Variants in SPTBN5 observed in about 807,000 individuals in gnomAD.
SPTBN5 encodes the protein spectrin beta, non-erythrocytic 5, also known as spectrin beta chain, non-erythrocytic 5.
SPTBN5 carries 513 observed loss-of-function variants against 477.6 expected under a neutral mutation model. That is an observed-to-expected ratio of 1.07 (90% CI 1.00 to 1.16). SPTBN5 has a LOEUF of 1.16. Among genes scored for constraint, SPTBN5 ranks in the 50% most tolerant of loss-of-function variants. The probability of loss-of-function intolerance (pLI) is 0.00; values close to 1 mark genes in which losing one functional copy is unlikely to be tolerated. For missense variants in SPTBN5, 5,062 were observed against 4,731.8 expected (o/e 1.07, Z -2.05); for synonymous variants, 2,169 against 2,011.7 (o/e 1.08, Z -2.09).
Position 41,862,856 on chromosome 15 carries a change from C to T in SPTBN5, c.7197G>A (p.Val2399=), listed in dbSNP as rs1208015727. 2 of 1,590,848 alleles carry T rather than the reference C, an allele frequency of 1.3e-6. No individual in the cohort carries two copies. Among genetic ancestry groups the T allele is most frequent in the Non-Finnish European group, 1.7e-6 (2 of 1,169,398 alleles). ...CCTCGTGTTTCCGCAGCAGCCTCTGCACGCTCTCCAGATCTTTCCCACAGT... is the reference window on the plus strand; with the variant it reads ...CCTCGTGTTTCCGCAGCAGCCTCTGTACGCTCTCCAGATCTTTCCCACAGT... ...ALDCGKDLES[V]QRLLRKHEEL... is the part of the protein sequence containing the mutation. Residue 2399 remains valine, a synonymous_variant, in exon 42 of 68, where the codon GTG becomes GTA. Transcript: ENST00000320955.
intron 33 of SPTBN5, 81 bp from the exon 34 acceptor site, chr15:41,868,299 G>T: frequency 1.3e-6 from 2 of 1,561,468 alleles, no homozygotes; most frequent in Non-Finnish European, 1.7e-6. Context: ...GGAAGCTCCT[G>T]AGGAGAGGCC....
chr15:41,854,065 C>A lies in SPTBN5; in HGVS notation c.9759G>T (p.Gln3253His). The A allele has an allele frequency of 6.4e-7, 1 of 1,571,714 alleles. No homozygotes were observed. The highest frequency in any genetic ancestry group is 8.6e-7 in the Non-Finnish European group (1 of 1,161,462). Reference protein sequence around the residue: ...SLSSVRTLQQQHRRLERELEA... With the variant: ...SLSSVRTLQQHHRRLERELEA... Reference sequence around the variant, plus strand: ...TGGGCCTCACCTCCAGGCGCCTGTGCTGTTGCTGCAGGGTCCGCACAGATG... The same window carrying A: ...TGGGCCTCACCTCCAGGCGCCTGTGATGTTGCTGCAGGGTCCGCACAGATG... The change falls in exon 57 of 68, where the codon CAG (glutamine) becomes CAT (histidine). Residue 3253 changes from glutamine to histidine, a missense_variant. Gln to His is a conservative substitution (Grantham distance 24, BLOSUM62 0). Transcript: ENST00000320955.
At chr15:41,864,742 G>A (rs2066239458) in intron 39 of SPTBN5, among the ~76,000 whole-genome samples, 1 of 152,240 alleles carries the variant, frequency 6.6e-6, no homozygotes, top group Middle Eastern at 3.2e-3. Context: ...TCTGAGCTGA[G>A]GCTGGTGCTG....
chr15:41,855,354 C>A lies in SPTBN5; in HGVS notation c.9293G>T (p.Gly3098Val), dbSNP rs754923811. 5.6e-6 allele frequency: 9 copies of A among 1,605,930 alleles called. No homozygotes were observed. Among genetic ancestry groups the A allele is most frequent in the Non-Finnish European group, 7.6e-6 (9 of 1,179,682 alleles). ...CTGCAGCTGCTCCTGCAGGCCGTGC[C>A]CCCTGGCCTCCGCCCTCCGCAGCAG... ...AELLRRAEAR[G>V]HGLQEQLQLH... Residue 3098 changes from glycine to valine, a missense_variant, in exon 55 of 68, where the codon GGG becomes GTG. Physicochemically the swap from Gly to Val is moderately radical, Grantham distance 109 (BLOSUM62 -3). Coordinates refer to ENST00000320955, the MANE Select transcript of SPTBN5 (RefSeq NM_016642.4).
At chr15:41,850,513 A>T in intron 66 of SPTBN5, 1 of 319,120 alleles carries the variant, frequency 3.1e-6, no homozygotes, top group Non-Finnish European at 5.8e-6. Flanking sequence ...CAGACAGAAC[A>T]GAGCCTGGAA....
chr15:41,855,551 T>A lies in SPTBN5; in HGVS notation c.9216A>T (p.Glu3072Asp). ...AALLESRKNPESPKVLAQLQA... is the reference protein window; with the variant it reads ...AALLESRKNPDSPKVLAQLQA... ...CGGATGGTGTGGCTTCCGCCCACCTTTCTGGGTTCTTCCTGCTCTCCAGGA... is the reference window on the plus strand; with the variant it reads ...CGGATGGTGTGGCTTCCGCCCACCTATCTGGGTTCTTCCTGCTCTCCAGGA... The change falls in exon 54 of 68, where the codon GAA becomes GAT. Residue 3072 changes from glutamate to aspartate, a missense_variant and splice_region_variant. Transcript: ENST00000320955. 6.2e-7 allele frequency: 1 copy of A among 1,608,874 alleles called. No individual in the cohort carries two copies. Among genetic ancestry groups the A allele is most frequent in the Non-Finnish European group, 8.5e-7 (1 of 1,177,134 alleles).
chr15:41,857,842 C>T, intron 49 of SPTBN5, 132 bp from the exon 50 acceptor site: 1 of 1,098,272 alleles, frequency 9.1e-7, no homozygotes, highest in Non-Finnish European at 1.3e-6. Flanking sequence ...GAGCAACTTT[C>T]TTTACCTAAG....
intron 23 of SPTBN5, 84 bp from the exon 24 acceptor site, chr15:41,874,562 C>T: frequency 3.3e-6 from 4 of 1,194,518 alleles, no homozygotes; most frequent in Non-Finnish European, 3.5e-6. Context: ...AAGCCAGGGC[C>T]CGTGAAGAAC....
In SPTBN5 at chr15:41,861,383, A is replaced by T. The variant is rs762339012; in HGVS notation, c.7815+36T>A. ...TTTGACCCCTAATGCTGCTCTGGTA[A>T]TTCCCCCCTCCTGCCCATTCCTGCT... is the stretch of plus-strand genomic sequence containing the variant. On this transcript the variant is annotated intron_variant, in intron 46 of 67. Transcript: ENST00000320955. 1.9e-6 allele frequency: 3 copies of T among 1,574,334 alleles called. No homozygotes were observed. The African/African-American group carries it at 4.0e-5, about 21-fold the overall frequency.
intron 64 of SPTBN5, 57 bp from the exon 65 acceptor site, chr15:41,851,207 G>T: frequency 7.0e-6 from 11 of 1,579,252 alleles, no homozygotes; most frequent in Admixed American, 1.8e-5. Flanking sequence ...TCCCTGTGGG[G>T]TCCCTCTGTC....
At position 41,877,363 on chromosome 15, in the gene SPTBN5, AG is replaced by A; in HGVS notation, c.3471-8del. On this transcript the variant is annotated splice_polypyrimidine_tract_variant and splice_region_variant and intron_variant, in intron 17 of 67. Transcript: ENST00000320955. ...AGCGTCCAGCTGCTGCAGCCTGACC[AG>A]GATGACAGGCAGAGAGTCAAACCCC... 6.2e-7 allele frequency: 1 copy of A among 1,602,890 alleles called. No homozygotes were observed. Among genetic ancestry groups the A allele is most frequent in the Non-Finnish European group, 8.5e-7 (1 of 1,173,602 alleles).
intron 12 of SPTBN5, 52 bp from the exon 13 acceptor site, chr15:41,881,286 GC>G: frequency 6.7e-7 from 1 of 1,498,286 alleles, no homozygotes; most frequent in Non-Finnish European, 9.0e-7. Context: ...AGCAGCAGGG[GC>G]TTTGGCCAGG....
chr15:41,862,440 T>C, intron 43 of SPTBN5, 99 bp downstream of exon 43: 11 of 1,522,340 alleles, frequency 7.2e-6, no homozygotes, highest in Non-Finnish European at 9.7e-6. Flanking sequence ...ATTTGAAGGG[T>C]GGAGAAGGAA....
Position 41,883,440 on chromosome 15 carries a change from G to A in SPTBN5, c.1567C>T (p.Gln523Ter). 3 of 1,613,968 alleles carry A rather than the reference G, an allele frequency of 1.9e-6. No individual in the cohort carries two copies. The highest frequency in any genetic ancestry group is 1.1e-5 in the South Asian group (1 of 91,090). ...TCTGCCACCTGCTTCCTCTGTCCCTGTAGATGCTGAAGGAGCCTCTGCCAG... is the reference window on the plus strand; with the variant it reads ...TCTGCCACCTGCTTCCTCTGTCCCTATAGATGCTGAAGGAGCCTCTGCCAG... The part of the protein sequence containing the change: ...VRWQRLLQHL[Q>*]GQRKQVADMQ... Residue 523 changes from glutamine (Q) to a stop codon, truncating the protein, a stop_gained, in exon 8 of 68, where the codon CAG (glutamine) becomes TAG (stop). Transcript: ENST00000320955. LOFTEE classifies it high-confidence loss of function.
chr15:41,868,612 G>A lies in SPTBN5; in HGVS notation c.5854-11C>T, dbSNP rs1468307987. On this transcript the variant is annotated splice_polypyrimidine_tract_variant and intron_variant, in intron 32 of 67. Transcript: ENST00000320955. Reference sequence around the variant, plus strand: ...GGCATAGTCACGCACCTGATCCCGGGGACACGGAGGGAGAGCCGGGTGAGG... The same window carrying A: ...GGCATAGTCACGCACCTGATCCCGGAGACACGGAGGGAGAGCCGGGTGAGG... 3.1e-6 allele frequency: 5 copies of A among 1,596,466 alleles called. No individual in the cohort carries two copies. Among genetic ancestry groups the A allele is most frequent in the African/African-American group, 1.3e-5 (1 of 74,886 alleles).
chr15:41,878,680 C>T (rs1439915957), intron 16 of SPTBN5, 51 bp from the exon 17 acceptor site: 1 of 1,549,954 alleles, frequency 6.5e-7, no homozygotes, highest in South Asian at 1.2e-5. Context: ...GGGCCTGGTG[C>T]CCCAGGCACA....
chr15:41,863,865 A>C, intron 40 of SPTBN5, 44 bp downstream of exon 40: 1 of 1,612,718 alleles, frequency 6.2e-7, no homozygotes, highest in South Asian at 1.1e-5. Context: ...GTGGCCTTCC[A>C]CCCCTCTTCC....
Position 41,892,035 on chromosome 15 carries a change from C to T in SPTBN5, c.384+859G>A, listed in dbSNP as rs886839823. ...GGATCAACTAGGGCCCAGCATTCTG[C>T]AGCTGGCAGCGTTCTGCTCTTGCAC... On this transcript the variant is annotated intron_variant, in intron 3 of 67. Coordinates refer to ENST00000320955, the MANE Select transcript of SPTBN5 (RefSeq NM_016642.4). Among the ~76,000 whole-genome samples, 21 of 152,302 alleles carry T rather than the reference C, an allele frequency of 1.4e-4. No homozygotes were observed. The East Asian group carries it at 3.5e-3, about 25-fold the overall frequency.
intron 32 of SPTBN5, 102 bp from the exon 33 acceptor site, chr15:41,868,703 G>T: frequency 1.6e-6 from 2 of 1,230,586 alleles, no homozygotes; most frequent in Non-Finnish European, 2.3e-6. Flanking sequence ...CACTCACACA[G>T]CCCGAGCCGA....
Sources: gnomAD v4.1 joint callset for allele counts (sites outside exome capture counted in the v4.1 genomes callset) on GRCh38, gnomAD v4.1.1 for gene constraint, MANE v1.5 for transcripts, NCBI Gene and HGNC (gene_info 2026-07-23, HGNC 2026-07-21) for gene names.